The following SLC7A14 variants were observed in gnomAD, a reference collection of about 807,000 sequenced individuals.
SLC7A14 encodes solute carrier family 7 member 14, also known as gamma-aminobutyric acid transporter SLC7A14.
In SLC7A14, 37 loss-of-function variants were observed where a neutral mutation model predicts 60.2. That is an observed-to-expected ratio of 0.61 (90% CI 0.47 to 0.81). The LOEUF is 0.81. Ranked by LOEUF, SLC7A14 falls within the 30% of genes least tolerant of loss-of-function variation. The pLI, the probability that SLC7A14 is intolerant of heterozygous loss-of-function variation, is 0.00. For missense variants in SLC7A14, 886 were observed against 982.7 expected (o/e 0.90, Z 1.32); for synonymous variants, 399 against 395.8 (o/e 1.01, Z -0.10).
intron 2 of SLC7A14, among the ~76,000 whole-genome samples, chr3:170,502,198 TAGG>T (rs1712631578): frequency 6.6e-6 from 1 of 152,042 alleles, no homozygotes; most frequent in Admixed American, 6.6e-5. Context: ...ACTGAGGTAT[TAGG>T]AGGAGATGAC....
chr3:170,504,749 CT>C (rs1712721336), intron 2 of SLC7A14, among the ~76,000 whole-genome samples: 1 of 152,006 alleles, frequency 6.6e-6, no homozygotes, highest in African/African-American at 2.4e-5. Flanking sequence ...ATGCATCATT[CT>C]TTGGTTTTAC....
intron 2 of SLC7A14, among the ~76,000 whole-genome samples, chr3:170,522,252 T>G (rs1386852384): frequency 6.6e-6 from 1 of 152,216 alleles, no homozygotes. Flanking sequence ...AAGTTGAGCA[T>G]TCACTTACCA....
chr3:170,483,655 G>A, intron 5 of SLC7A14, 133 bp from the exon 6 acceptor site: 1 of 881,608 alleles, frequency 1.1e-6, no homozygotes, highest in Non-Finnish European at 1.8e-6. Context: ...TTCACTTGCT[G>A]GCATGTGCCT....
At chr3:170,523,710 A>G (rs1161948562) in intron 2 of SLC7A14, among the ~76,000 whole-genome samples, 1 of 152,196 alleles carries the variant, frequency 6.6e-6, no homozygotes, top group Non-Finnish European at 1.5e-5. Context: ...CAGAAGGAGA[A>G]AAGGACCGTG....
chr3:170,577,684 C>T (rs866776802), intron 1 of SLC7A14, among the ~76,000 whole-genome samples: 1 of 150,776 alleles, frequency 6.6e-6, no homozygotes, highest in Non-Finnish European at 1.5e-5. Flanking sequence ...TTATGTATTC[C>T]GTAATTGGCC....
At chr3:170,472,491 C>A (rs1343819807) in intron 7 of SLC7A14, among the ~76,000 whole-genome samples, 1 of 152,030 alleles carries the variant, frequency 6.6e-6, no homozygotes, top group African/African-American at 2.4e-5. Context: ...AAAGGCCGGG[C>A]ACGGTGGCTC....
At chr3:170,567,437 T>A (rs2108313343) in intron 1 of SLC7A14, among the ~76,000 whole-genome samples, 1 of 151,564 alleles carries the variant, frequency 6.6e-6, no homozygotes, top group East Asian at 1.9e-4. Flanking sequence ...GTTCCAAGTC[T>A]TTGCTATTGT....
rs141002324 is a variant in SLC7A14 at position 170,461,639 on chromosome 3, G to A, written c.*5416C>T. The A allele has an allele frequency of 5.9e-5, 9 of 152,376 alleles. No individual in the cohort carries two copies. Among genetic ancestry groups the A allele is most frequent in the African/African-American group, 2.2e-4 (9 of 41,538 alleles). 9.4% of individuals were successfully genotyped at this position (152,376 alleles called of 1,614,324 possible). On this transcript the variant is annotated 3_prime_UTR_variant, in exon 8 of 8. Coordinates refer to ENST00000231706, the MANE Select transcript of SLC7A14 (RefSeq NM_020949.3). ...CTTCAGCTTTCTGGTTCCTGCGTGT[G>A]GTGGGGCCTGCGGTTTGGGATGCTG...
intron 2 of SLC7A14, among the ~76,000 whole-genome samples, chr3:170,515,955 A>C (rs1271983150): frequency 1.3e-5 from 2 of 152,142 alleles, no homozygotes; most frequent in Non-Finnish European, 2.9e-5. Flanking sequence ...GTTCTGCAGC[A>C]TCTCCTGCTA....
Position 170,483,410 on chromosome 3 carries a change from A to G in SLC7A14, c.1019T>C (p.Ile340Thr), listed in dbSNP as rs554717271. 2.6e-5 allele frequency: 42 copies of G among 1,614,210 alleles called. No individual in the cohort carries two copies. The South Asian group carries it at 3.4e-4, about 13-fold the overall frequency. ...GFYAAKFVVA[I>T]GSVAGLTVSL... ...GACTGTCAGTCCTGCAACCGACCCA[A>G]TGGCCACTACGAATTTGGCAGCATA... is the stretch of plus-strand genomic sequence containing the variant. The change falls in exon 6 of 8, where the codon ATT (isoleucine) becomes ACT (threonine). Residue 340 changes from isoleucine (I) to threonine (T), a missense_variant. By Grantham distance (89) the Ile-to-Thr change is moderately conservative (BLOSUM62 -1). Transcript: ENST00000231706.
intron 2 of SLC7A14, among the ~76,000 whole-genome samples, chr3:170,522,173 T>G (rs1320558888): frequency 2.0e-5 from 3 of 152,326 alleles, no homozygotes; most frequent in Admixed American, 6.5e-5. Flanking sequence ...GAACTGGAAC[T>G]TTCACATATT....
At position 170,501,249 on chromosome 3, in the gene SLC7A14, A is replaced by C. The variant is rs1712600458; in HGVS notation, c.401T>G (p.Phe134Cys). The C allele has an allele frequency of 6.2e-7, 1 of 1,614,076 alleles. No homozygotes were observed. The highest frequency in any genetic ancestry group is 8.5e-7 in the Non-Finnish European group (1 of 1,180,026). ...YVTVGEFVAF[F>C]IGWNLILEYL... Reference sequence around the variant, plus strand: ...CTCCAGGATCAGGTTCCAGCCAATGAAAAATGCCACAAATTCCCCAACAGT... The same window carrying C: ...CTCCAGGATCAGGTTCCAGCCAATGCAAAATGCCACAAATTCCCCAACAGT... Residue 134 changes from phenylalanine (F) to cysteine (C), a missense_variant, in exon 3 of 8, where the codon TTC becomes TGC. Transcript: ENST00000231706.
At chr3:170,561,635 G>T (rs1714653633) in intron 1 of SLC7A14, among the ~76,000 whole-genome samples, 2 of 152,168 alleles carry the variant, frequency 1.3e-5, no homozygotes, top group Admixed American at 1.3e-4. Context: ...ACTTTAAAAG[G>T]CTATCCATGG....
intron 1 of SLC7A14, among the ~76,000 whole-genome samples, chr3:170,559,875 G>C (rs888157005): frequency 6.6e-6 from 1 of 152,230 alleles, no homozygotes; most frequent in Admixed American, 6.5e-5. Flanking sequence ...CTGGGCTTTC[G>C]CAGGTGAGGA....
At chr3:170,574,582 A>G (rs1715037086) in intron 1 of SLC7A14, among the ~76,000 whole-genome samples, 1 of 152,224 alleles carries the variant, frequency 6.6e-6, no homozygotes, top group Admixed American at 6.5e-5. Flanking sequence ...GGCATTGATC[A>G]TAAATATCCT....
At chr3:170,563,405 G>C (rs1189308544) in intron 1 of SLC7A14, among the ~76,000 whole-genome samples, 2 of 127,682 alleles carry the variant, frequency 1.6e-5, no homozygotes, top group Non-Finnish European at 3.1e-5. Flanking sequence ...AACAAACACT[G>C]TTTGTTTGTT....
intron 2 of SLC7A14, among the ~76,000 whole-genome samples, chr3:170,506,899 T>C (rs893265748): frequency 4.6e-5 from 7 of 152,182 alleles, no homozygotes; most frequent in Admixed American, 6.5e-5. Flanking sequence ...GGGTAAGTTA[T>C]TGGGGGTACA....
chr3:170,508,464 G>C (rs1712856602), intron 2 of SLC7A14, among the ~76,000 whole-genome samples: 2 of 152,192 alleles, frequency 1.3e-5, no homozygotes, highest in African/African-American at 4.8e-5. Context: ...ACTTCACACT[G>C]GGTAGGCAGG....
chr3:170,528,741 G>C (rs1713586007), intron 1 of SLC7A14, among the ~76,000 whole-genome samples: 1 of 152,190 alleles, frequency 6.6e-6, no homozygotes, highest in South Asian at 2.1e-4. Flanking sequence ...TAACAGGCTA[G>C]AGTGTCTGCA....
Sources: gnomAD v4.1 joint callset for allele counts (sites outside exome capture counted in the v4.1 genomes callset) on GRCh38, gnomAD v4.1.1 for gene constraint, MANE v1.5 for transcripts, NCBI Gene and HGNC (gene_info 2026-07-23, HGNC 2026-07-21) for gene names.